Variants in IQGAP2 observed in about 807,000 individuals in gnomAD.
IQGAP2 encodes IQ motif containing GTPase activating protein 2.
Under a neutral mutation model 201.3 loss-of-function variants are expected in IQGAP2, and 173 were observed. That is an observed-to-expected ratio of 0.86 (90% CI 0.76 to 0.98). IQGAP2 has a LOEUF of 0.98. Among genes scored for constraint, IQGAP2 ranks in the 50% least tolerant of loss-of-function variants. The pLI, the probability that IQGAP2 is intolerant of heterozygous loss-of-function variation, is 0.00. For missense variants in IQGAP2, 1,687 were observed against 1,864.8 expected, an observed-to-expected ratio of 0.90 and a Z score of 1.76; for synonymous variants, 675 against 673.9, an observed-to-expected ratio of 1.00 and a Z score of -0.03.
At chr5:76,656,454 T>G (rs1050935303) in intron 20 of IQGAP2, among the ~76,000 whole-genome samples, 3 of 151,950 alleles carry the variant, frequency 2.0e-5, no homozygotes, top group Non-Finnish European at 1.5e-5. Flanking sequence ...ATGCTGGGAT[T>G]ACAGGCATGA....
At chr5:76,577,908 T>G (rs182700552) in intron 5 of IQGAP2, among the ~76,000 whole-genome samples, 1 of 152,268 alleles carries the variant, frequency 6.6e-6, no homozygotes, top group East Asian at 1.9e-4. Flanking sequence ...GGTCAGAGAT[T>G]CTGATTATAA....
chr5:76,623,161 G>T, intron 13 of IQGAP2: 2 of 1,614,038 alleles, frequency 1.2e-6, no homozygotes, highest in Non-Finnish European at 1.7e-6. Flanking sequence ...TGAGAAAATT[G>T]CTTACCACTC....
chr5:76,571,727 A>G (rs1055629909), intron 4 of IQGAP2, among the ~76,000 whole-genome samples: 2 of 152,250 alleles, frequency 1.3e-5, no homozygotes, highest in Non-Finnish European at 2.9e-5. Context: ...AAATAATTAT[A>G]GAATCACAGG....
rs568940869 is a variant in IQGAP2 at position 76,456,338 on chromosome 5, A to G, written c.47-5232A>G. On this transcript the variant is annotated intron_variant, in intron 1 of 35. Coordinates refer to ENST00000274364, the MANE Select transcript of IQGAP2 (RefSeq NM_006633.5). ...AACAACTTCGGCCTAGGGTTTGCCT[A>G]TTTTTCAAAAGAAAATTCAGTTTAA... 2.6e-5 allele frequency among the ~76,000 whole-genome samples: 4 copies of G among 152,152 alleles called. No homozygotes were observed. In the South Asian group the frequency reaches 6.2e-4, roughly 24 times the overall value.
chr5:76,505,068 G>A (rs1292982970), intron 2 of IQGAP2, among the ~76,000 whole-genome samples: 2 of 152,144 alleles, frequency 1.3e-5, no homozygotes, highest in African/African-American at 4.8e-5. Flanking sequence ...GCTCAAATGA[G>A]GTCAGTGTCT....
intron 2 of IQGAP2, among the ~76,000 whole-genome samples, chr5:76,496,748 T>TCTTTC (rs1756963396): frequency 3.3e-5 from 2 of 61,356 alleles, no homozygotes; most frequent in African/African-American, 1.8e-4. Flanking sequence ...TTTCTTTCTT[T>TCTTTC]CTTTCTTTCT....
At chr5:76,414,487 T>C (rs1751308890) in intron 1 of IQGAP2, among the ~76,000 whole-genome samples, 1 of 152,064 alleles carries the variant, frequency 6.6e-6, no homozygotes, top group African/African-American at 2.4e-5. Context: ...TACTAATGAG[T>C]TTTATTTTCC....
At chr5:76,404,391 A>G in intron 1 of IQGAP2, 1 of 853,304 alleles carries the variant, frequency 1.2e-6, no homozygotes, top group Non-Finnish European at 1.4e-6. Context: ...CAGAGTTCAG[A>G]GTCCTAAACA....
chr5:76,643,569 A>G (rs1158404415), intron 17 of IQGAP2, among the ~76,000 whole-genome samples: 3 of 152,192 alleles, frequency 2.0e-5, no homozygotes, highest in Non-Finnish European at 4.4e-5. Context: ...GGGATCCAAT[A>G]TTGATATTGT....
At position 76,491,087 on chromosome 5, in the gene IQGAP2, T is replaced by A. The variant is rs191872566; in HGVS notation, c.146+29418T>A. The stretch of plus-strand genomic sequence containing the variant: ...AGTAATAAATGTGTCATAATTGACA[T>A]GTGCTTTAAAATGCTCTCACTTCCT... On this transcript the variant is annotated intron_variant, in intron 2 of 35. Transcript: ENST00000274364. Among the ~76,000 whole-genome samples, 164 of 151,776 alleles carry A rather than the reference T, an allele frequency of 1.1e-3. 1 individual carries two copies. Among genetic ancestry groups the A allele is most frequent in the Admixed American group, 1.8e-3 (28 of 15,208 alleles).
At chr5:76,698,318 G>A (rs1209751275) in intron 33 of IQGAP2, among the ~76,000 whole-genome samples, 171 bp downstream of exon 33, 1 of 152,168 alleles carries the variant, frequency 6.6e-6, no homozygotes, top group Non-Finnish European at 1.5e-5. Context: ...AAGAAGTCAG[G>A]AGTAAGTGAA....
At chr5:76,619,150 T>C (rs570773726) in intron 13 of IQGAP2, among the ~76,000 whole-genome samples, 76 of 152,368 alleles carry the variant, frequency 5.0e-4, no homozygotes, top group Non-Finnish European at 7.8e-4. Flanking sequence ...ATTTTTATTG[T>C]ACATTGATGT....
At position 76,516,487 on chromosome 5, in the gene IQGAP2, A is replaced by T. The variant is rs143041521; in HGVS notation, c.147-45909A>T. 9.7e-3 allele frequency among the ~76,000 whole-genome samples: 1,481 copies of T among 152,336 alleles called. 13 individuals are homozygous for T. Among genetic ancestry groups the T allele is most frequent in the Non-Finnish European group, 0.016 (1,088 of 68,034 alleles). On this transcript the variant is annotated intron_variant, in intron 2 of 35. Coordinates refer to ENST00000274364, the MANE Select transcript of IQGAP2 (RefSeq NM_006633.5). Reference sequence around the variant, plus strand: ...CAGTAGCTGATGGCATATTTTTTTCAAGTTCATACTGGATTATAGTTGAAT... The same window carrying T: ...CAGTAGCTGATGGCATATTTTTTTCTAGTTCATACTGGATTATAGTTGAAT...
intron 27 of IQGAP2, among the ~76,000 whole-genome samples, chr5:76,676,867 A>AT (rs1364833528): frequency 6.6e-6 from 1 of 152,156 alleles, no homozygotes; most frequent in African/African-American, 2.4e-5. Context: ...CACAGACTTG[A>AT]TTCTTAGATC....
intron 5 of IQGAP2, among the ~76,000 whole-genome samples, chr5:76,581,463 G>C (rs1001971162): frequency 6.6e-6 from 1 of 152,172 alleles, no homozygotes; most frequent in African/African-American, 2.4e-5. Context: ...AGTTGCACCT[G>C]CTTATTTCTT....
chr5:76,588,302 G>A (rs1746389572), intron 5 of IQGAP2, among the ~76,000 whole-genome samples: 1 of 152,142 alleles, frequency 6.6e-6, no homozygotes, highest in Admixed American at 6.5e-5. Context: ...CAGGTTATGG[G>A]TAGGTTAATG....
rs1368359488 is a variant in IQGAP2, at chr5:76,693,355, G to A, written c.3906G>A (p.Lys1302=). 1 of 1,610,608 alleles carries A rather than the reference G, an allele frequency of 6.2e-7. No individual in the cohort carries two copies. The highest frequency in any genetic ancestry group is 1.7e-5 in the Admixed American group (1 of 59,606). ...EAIDSRSLMI[K]TKKLIIDVIR... is the part of the protein sequence containing the mutation. Reference sequence around the variant, plus strand: ...CTGTCTCTTTCTCTGGTTTGTTAAGGACCAAGAAGCTGATAATTGATGTGA... The same window carrying A: ...CTGTCTCTTTCTCTGGTTTGTTAAGAACCAAGAAGCTGATAATTGATGTGA... Residue 1302 remains lysine (K), a splice_region_variant and synonymous_variant, in exon 31 of 36, where the codon AAG becomes AAA. Transcript: ENST00000274364.
At position 76,603,172 on chromosome 5, in the gene IQGAP2, G is replaced by A. The variant is rs556818938; in HGVS notation, c.1232+2200G>A. Among the ~76,000 whole-genome samples, 15 of 152,228 alleles carry A rather than the reference G, an allele frequency of 9.9e-5. No individual in the cohort carries two copies. The East Asian group carries it at 2.7e-3, about 27-fold the overall frequency. ...AGTCCAAGTGTACTTTCTGGTCTCTGTGTTCCTATGCGTGGTCCTCTCACC... is the reference window on the plus strand; with the variant it reads ...AGTCCAAGTGTACTTTCTGGTCTCTATGTTCCTATGCGTGGTCCTCTCACC... On this transcript the variant is annotated intron_variant, in intron 11 of 35. Coordinates refer to ENST00000274364, the MANE Select transcript of IQGAP2 (RefSeq NM_006633.5).
intron 13 of IQGAP2, chr5:76,623,033 CT>C: frequency 1.3e-6 from 1 of 788,972 alleles, no homozygotes. Context: ...ATGATTCTAC[CT>C]TTTAATAATA....
Sources: allele counts gnomAD v4.1 joint callset (sites outside exome capture counted in the v4.1 genomes callset), GRCh38; gene constraint gnomAD v4.1.1; transcripts MANE v1.5; gene names NCBI Gene and HGNC (gene_info 2026-07-23, HGNC 2026-07-21).